Variants in LIN7A observed in about 807,000 individuals in gnomAD.
The protein encoded by LIN7A is protein lin-7 homolog A.
In LIN7A, 25 loss-of-function variants were observed where a neutral mutation model predicts 29.8. The observed-to-expected ratio is 0.84, with a 90% CI of 0.61 to 1.17. The LOEUF (loss-of-function observed/expected upper bound fraction) is 1.17. Among genes scored for constraint, LIN7A ranks in the 50% most tolerant of loss-of-function variants. The pLI is 0.00. For synonymous variants in LIN7A, 118 were observed against 107.5 expected, an observed-to-expected ratio of 1.10 and a Z score of -0.60; for missense variants, 239 against 287.0, an observed-to-expected ratio of 0.83 and a Z score of 1.21.
At chr12:80,904,183 C>G (rs1290252063) in intron 1 of LIN7A, among the ~76,000 whole-genome samples, 2 of 151,652 alleles carry the variant, frequency 1.3e-5, no homozygotes, top group African/African-American at 4.8e-5. Flanking sequence ...TATTTTTAAT[C>G]AACAAAAAAA....
At chr12:80,927,334 TG>T (rs2120926145) in intron 1 of LIN7A, among the ~76,000 whole-genome samples, 2 of 152,118 alleles carry the variant, frequency 1.3e-5, no homozygotes, top group East Asian at 3.9e-4. Flanking sequence ...GCTAATTTTT[TG>T]TATTTTTAGC....
chr12:80,870,453 T>C (rs1874369423), intron 2 of LIN7A, among the ~76,000 whole-genome samples: 3 of 152,202 alleles, frequency 2.0e-5, no homozygotes, highest in Admixed American at 6.5e-5. Context: ...CTGATAGACA[T>C]ACAAATACTG....
chr12:80,818,627 C>G (rs890983550), intron 4 of LIN7A, among the ~76,000 whole-genome samples: 1 of 152,096 alleles, frequency 6.6e-6, no homozygotes, highest in Non-Finnish European at 1.5e-5. Context: ...ATTCTTAAAC[C>G]TTGATGTACA....
intron 2 of LIN7A, among the ~76,000 whole-genome samples, chr12:80,865,881 T>G (rs559279389): frequency 1.5e-4 from 23 of 152,316 alleles, no homozygotes; most frequent in Non-Finnish European, 2.4e-4. Context: ...CTGTCAGGTT[T>G]GTGGCCTATG....
intron 4 of LIN7A, among the ~76,000 whole-genome samples, chr12:80,832,356 GT>G (rs781556740): frequency 3.4e-4 from 52 of 152,076 alleles, no homozygotes; most frequent in Non-Finnish European, 5.3e-4. Context: ...AGATTTTAAA[GT>G]GATATTCTTA....
chr12:80,887,375 T>C (rs1015116091), intron 2 of LIN7A, among the ~76,000 whole-genome samples: 6 of 152,064 alleles, frequency 3.9e-5, no homozygotes, highest in African/African-American at 1.4e-4. Flanking sequence ...CAAAAGAAAA[T>C]AAAATCAGGT....
In LIN7A at chr12:80,845,520, C is replaced by T. The variant is rs1873029838; in HGVS notation, c.483+210G>A. ...TTTCCTGGGATGTTTTTTCAACTCA[C>T]TGATATTTATCATAACTGAACATAA... On this transcript the variant is annotated intron_variant, in intron 4 of 5. Transcript: ENST00000552864. 8 of 427,326 alleles carry T rather than the reference C, an allele frequency of 1.9e-5. 1 individual carries two copies. The highest frequency in any genetic ancestry group is 2.9e-5 in the Non-Finnish European group (7 of 245,496). 26.5% of individuals were successfully genotyped at this position (427,326 alleles called of 1,614,324 possible).
At chr12:80,847,314 C>CAAGCA (rs772886338) in intron 3 of LIN7A, among the ~76,000 whole-genome samples, 11 of 152,134 alleles carry the variant, frequency 7.2e-5, no homozygotes, top group Non-Finnish European at 1.5e-4. Context: ...CACTTCAGTA[C>CAAGCA]AAGCAAAGCA....
intron 2 of LIN7A, among the ~76,000 whole-genome samples, chr12:80,873,879 C>T (rs1874550770): frequency 1.3e-5 from 2 of 150,408 alleles, no homozygotes; most frequent in South Asian, 2.1e-4. Context: ...TTCACAGTCC[C>T]TGAAACACTG....
chr12:80,816,850 C>T (rs1871560892), intron 4 of LIN7A, among the ~76,000 whole-genome samples: 1 of 152,218 alleles, frequency 6.6e-6, no homozygotes, highest in African/African-American at 2.4e-5. Flanking sequence ...CTTACTGCAA[C>T]CTCCATCTCC....
rs542423797 is a variant in LIN7A at position 80,836,935 on chromosome 12, A to ATT, written c.483+8793_483+8794dup. Reference sequence around the variant, plus strand: ...GTTTTGGCTGCATGTTTTCACGTACATTTTTTTTTTTTTTCTCATCAAAGA... The same window carrying ATT: ...GTTTTGGCTGCATGTTTTCACGTACATTTTTTTTTTTTTTTTCTCATCAAAGA... On this transcript the variant is annotated intron_variant, in intron 4 of 5. Transcript: ENST00000552864. Among the ~76,000 whole-genome samples the ATT allele has an allele frequency of 4.2e-5, 6 of 143,000 alleles. 1 individual carries two copies. Among genetic ancestry groups the ATT allele is most frequent in the African/African-American group, 1.5e-4 (6 of 39,250 alleles). The allele number at this position is 143,000 out of a possible 152,430, so 93.8% of individuals were successfully genotyped here. A position where few individuals can be genotyped will look rare whatever the true frequency, so the allele number is the denominator to read the frequency against.
At chr12:80,833,642 C>A (rs1872478489) in intron 4 of LIN7A, among the ~76,000 whole-genome samples, 1 of 152,178 alleles carries the variant, frequency 6.6e-6, no homozygotes, top group South Asian at 2.1e-4. Flanking sequence ...TGATGTGGCT[C>A]AAGCCCATCC....
At chr12:80,912,510 T>C (rs1167939872) in intron 1 of LIN7A, among the ~76,000 whole-genome samples, 1 of 150,356 alleles carries the variant, frequency 6.7e-6, no homozygotes, top group Non-Finnish European at 1.5e-5. Flanking sequence ...GAGGTAGGAG[T>C]TTGAGACCAG....
At chr12:80,807,077 T>TTTTTTTTTTTTTTTTTG (rs1871053026) in intron 5 of LIN7A, among the ~76,000 whole-genome samples, 2 of 115,538 alleles carry the variant, frequency 1.7e-5, no homozygotes, top group East Asian at 2.6e-4. Flanking sequence ...TTTTTTTTTT[T>TTTTTTTTTTTTTTTTTG]TTTTTTTTTT....
intron 2 of LIN7A, among the ~76,000 whole-genome samples, chr12:80,888,199 C>T (rs751487968): frequency 6.6e-6 from 1 of 152,096 alleles, no homozygotes; most frequent in Non-Finnish European, 1.5e-5. Context: ...AACACTTCAC[C>T]TGATAAATAT....
At chr12:80,903,393 T>TC (rs1228690176) in intron 1 of LIN7A, among the ~76,000 whole-genome samples, 1 of 152,076 alleles carries the variant, frequency 6.6e-6, no homozygotes, top group Non-Finnish European at 1.5e-5. Context: ...TGTCTATTAT[T>TC]CCACACTCTA....
chr12:80,826,465 A>T (rs1370876804), intron 4 of LIN7A, among the ~76,000 whole-genome samples: 1 of 151,876 alleles, frequency 6.6e-6, no homozygotes, highest in African/African-American at 2.4e-5. Flanking sequence ...ATTTCTTATG[A>T]TTTCTTGCCT....
intron 1 of LIN7A, among the ~76,000 whole-genome samples, chr12:80,934,661 G>A (rs182357163): frequency 6.6e-6 from 1 of 152,238 alleles, no homozygotes; most frequent in East Asian, 1.9e-4. Flanking sequence ...TCAAAAGGTA[G>A]CAAACAAAAA....
chr12:80,913,112 T>C (rs1438781567), intron 1 of LIN7A, among the ~76,000 whole-genome samples: 3 of 152,204 alleles, frequency 2.0e-5, no homozygotes, highest in Non-Finnish European at 4.4e-5. Context: ...TTAATTTTCC[T>C]ATGAGCTTAC....
Sources: allele counts gnomAD v4.1 joint callset (sites outside exome capture counted in the v4.1 genomes callset), GRCh38; gene constraint gnomAD v4.1.1; transcripts MANE v1.5; gene names NCBI Gene and HGNC (gene_info 2026-07-23, HGNC 2026-07-21).